PSMA5: variants seen among roughly 807,000 people sequenced by gnomAD.
The protein encoded by PSMA5 is proteasome 20S subunit alpha 5, also known as proteasome subunit alpha type-5.
A neutral mutation model predicts 34.5 loss-of-function variants in PSMA5; 3 were observed. That is an observed-to-expected ratio of 0.09 (90% CI 0.04 to 0.22). PSMA5 has a LOEUF of 0.22. Among genes scored for constraint, PSMA5 ranks in the 10% least tolerant of loss-of-function variants. The pLI is 1.00. For synonymous variants in PSMA5, 88 were observed against 95.8 expected, an observed-to-expected ratio of 0.92 and a Z score of 0.47; for missense variants, 120 against 286.1, an observed-to-expected ratio of 0.42 and a Z score of 4.19.
rs994525759 is a variant in PSMA5 at position 109,426,421 on chromosome 1, C to T, written c.-91G>A. On this transcript the variant is annotated 5_prime_UTR_variant, in exon 1 of 9. Transcript: ENST00000271308. Reference sequence around the variant, plus strand: ...CCAACTCACCGGCAGCCAACTCACCCACACGGCCGCAGTACTAAGGACCAA... The same window carrying T: ...CCAACTCACCGGCAGCCAACTCACCTACACGGCCGCAGTACTAAGGACCAA... The T allele has an allele frequency of 2.6e-6, 4 of 1,517,600 alleles. No homozygotes were observed. The highest frequency in any genetic ancestry group is 1.1e-5 in the South Asian group (1 of 89,080). 94.0% of individuals were successfully genotyped at this position (1,517,600 alleles called of 1,614,324 possible).
intron 2 of PSMA5, among the ~76,000 whole-genome samples, chr1:109,417,910 T>A (rs1192460204): frequency 6.6e-6 from 1 of 152,186 alleles, no homozygotes; most frequent in Non-Finnish European, 1.5e-5. Context: ...TTTTGATATC[T>A]ACTGCTCTGT....
At chr1:109,424,037 C>G (rs1374338365) in intron 1 of PSMA5, among the ~76,000 whole-genome samples, 1 of 152,170 alleles carries the variant, frequency 6.6e-6, no homozygotes, top group Non-Finnish European at 1.5e-5. Context: ...TGGACTTTTC[C>G]CAAAATGTAT....
intron 4 of PSMA5, chr1:109,412,842 G>A: frequency 9.7e-6 from 4 of 413,738 alleles, no homozygotes; most frequent in South Asian, 5.5e-5. Context: ...AAAAAAAAAA[G>A]GAAGACACTG....
At chr1:109,419,798 CAAAAAA>C (rs57566863) in intron 2 of PSMA5, among the ~76,000 whole-genome samples, 3 of 31,018 alleles carry the variant, frequency 9.7e-5, no homozygotes, top group Admixed American at 8.3e-4. Context: ...GACTCCGTCT[CAAAAAA>C]AAAAAAAAAA....
chr1:109,412,938 T>C, intron 4 of PSMA5, 130 bp downstream of exon 4: 1 of 725,848 alleles, frequency 1.4e-6, no homozygotes, highest in Non-Finnish European at 2.3e-6. Flanking sequence ...CTGGGAATTC[T>C]ACCCAAAATT....
chr1:109,417,018 C>T (rs926000625), intron 2 of PSMA5, among the ~76,000 whole-genome samples: 1 of 152,158 alleles, frequency 6.6e-6, no homozygotes, highest in African/African-American at 2.4e-5. Flanking sequence ...AACGGTAGGA[C>T]TGCTTGAGCC....
intron 8 of PSMA5, 101 bp from the exon 9 acceptor site, chr1:109,402,191 AG>A: frequency 2.6e-6 from 2 of 770,110 alleles, no homozygotes; most frequent in Non-Finnish European, 4.2e-6. Context: ...GCTATTCATT[AG>A]GAACTAAGGG....
At chr1:109,403,348 A>C (rs935208922) in intron 8 of PSMA5, among the ~76,000 whole-genome samples, 7 of 152,066 alleles carry the variant, frequency 4.6e-5, no homozygotes, top group Non-Finnish European at 7.4e-5. Flanking sequence ...ACATGGCTGG[A>C]AACAGTAGCT....
chr1:109,409,480 TG>T (rs1304731797), intron 8 of PSMA5, among the ~76,000 whole-genome samples: 2 of 152,248 alleles, frequency 1.3e-5, no homozygotes, highest in Non-Finnish European at 2.9e-5. Flanking sequence ...CACTGAATTC[TG>T]GCTTCTGCCA....
chr1:109,402,185 T>C (rs1653561382), intron 8 of PSMA5, 95 bp from the exon 9 acceptor site: 2 of 860,340 alleles, frequency 2.3e-6, no homozygotes, highest in South Asian at 1.6e-5. Flanking sequence ...GATGCAGCTA[T>C]TCATTAGGAA....
chr1:109,418,239 A>G (rs1006962704), intron 2 of PSMA5, among the ~76,000 whole-genome samples: 1 of 152,122 alleles, frequency 6.6e-6, no homozygotes, highest in African/African-American at 2.4e-5. Flanking sequence ...CATGACCACT[A>G]AATTTATTTT....
chr1:109,422,445 C>T (rs1333099468), intron 1 of PSMA5, among the ~76,000 whole-genome samples: 1 of 152,018 alleles, frequency 6.6e-6, no homozygotes, highest in Admixed American at 6.6e-5. Flanking sequence ...AGAGTTTTCC[C>T]CCTAATTCAG....
In PSMA5 at chr1:109,400,098, C is replaced by T. The variant is rs115680784; in HGVS notation, c.*1915G>A. 139 of 152,120 alleles carry T rather than the reference C, an allele frequency of 9.1e-4. No homozygotes were observed. The highest frequency in any genetic ancestry group is 3.1e-3 in the African/African-American group (129 of 41,488). The allele number at this position is 152,120 out of a possible 1,614,324, so 9.4% of individuals were successfully genotyped here. On this transcript the variant is annotated 3_prime_UTR_variant, in exon 9 of 9. Transcript: ENST00000271308. ...TGAAGAATGCCAATTATAGAAGGTACGAAATTTACTGTTTTACCAGGTAAA... is the reference window on the plus strand; with the variant it reads ...TGAAGAATGCCAATTATAGAAGGTATGAAATTTACTGTTTTACCAGGTAAA...
chr1:109,409,436 C>T (rs1174933383), intron 8 of PSMA5, among the ~76,000 whole-genome samples: 3 of 152,342 alleles, frequency 2.0e-5, no homozygotes, highest in Middle Eastern at 6.8e-3. Context: ...GGATTACAGG[C>T]GTGAGCCACC....
intron 3 of PSMA5, chr1:109,414,967 C>T: frequency 3.0e-6 from 1 of 337,172 alleles, no homozygotes; most frequent in Non-Finnish European, 5.4e-6. Flanking sequence ...CTTGTAGTCA[C>T]TTCAAAGATC....
intron 8 of PSMA5, among the ~76,000 whole-genome samples, 194 bp downstream of exon 8, chr1:109,409,734 C>G (rs1259321253): frequency 6.6e-6 from 1 of 152,024 alleles, no homozygotes; most frequent in East Asian, 1.9e-4. Context: ...GGCAACACAG[C>G]AAGACCCCAT....
chr1:109,415,147 G>A lies in PSMA5; in HGVS notation c.223+90C>T, dbSNP rs558130570. ...AAATAATAGCTAACAAGGGGATAAC[G>A]TGTTCATTTCATAAACCTTCCTTGG... On this transcript the variant is annotated intron_variant, in intron 3 of 8. Transcript: ENST00000271308. 1.2e-4 allele frequency: 167 copies of A among 1,407,356 alleles called. 1 individual carries two copies. In the South Asian group the frequency reaches 1.7e-3, roughly 14 times the overall value. The allele number at this position is 1,407,356 out of a possible 1,614,324, so 87.2% of individuals were successfully genotyped here. A position where few individuals can be genotyped will look rare whatever the true frequency, so the allele number is the denominator to read the frequency against.
chr1:109,401,940 G>C lies in PSMA5; in HGVS notation c.*73C>G. 1 of 1,187,158 alleles carries C rather than the reference G, an allele frequency of 8.4e-7. No individual in the cohort carries two copies. Among genetic ancestry groups the C allele is most frequent in the South Asian group, 1.3e-5 (1 of 74,278 alleles). 73.5% of individuals were successfully genotyped at this position (1,187,158 alleles called of 1,614,324 possible). ...ACAATGGAGATTTTCCAAGGAACAG[G>C]AGCTGGAAATAAAATTTAAGGACAT... On this transcript the variant is annotated 3_prime_UTR_variant, in exon 9 of 9. Coordinates refer to ENST00000271308, the MANE Select transcript of PSMA5 (RefSeq NM_002790.4).
At chr1:109,410,193 T>C (rs914706875) in intron 7 of PSMA5, among the ~76,000 whole-genome samples, 179 bp from the exon 8 acceptor site, 3 of 152,104 alleles carry the variant, frequency 2.0e-5, no homozygotes, top group Non-Finnish European at 2.9e-5. Context: ...GTAGAATACA[T>C]TTTTTCAGGA....
Sources: allele counts gnomAD v4.1 joint callset (sites outside exome capture counted in the v4.1 genomes callset), GRCh38; gene constraint gnomAD v4.1.1; transcripts MANE v1.5; gene names NCBI Gene and HGNC (gene_info 2026-07-23, HGNC 2026-07-21).